ESCO2: variants seen among roughly 807,000 people sequenced by gnomAD.
The protein encoded by ESCO2 is N-acetyltransferase ESCO2.
In ESCO2, 51 loss-of-function variants were observed where a neutral mutation model predicts 61.7. That is an observed-to-expected ratio of 0.83 (90% confidence interval 0.66 to 1.04). ESCO2 has a LOEUF of 1.04. Among genes scored for constraint, ESCO2 ranks in the 50% least tolerant of loss-of-function variants. The pLI, the probability that ESCO2 is intolerant of heterozygous loss-of-function variation, is 0.00. For synonymous variants in ESCO2, 230 were observed against 238.2 expected (o/e 0.97, Z 0.32); for missense variants, 692 against 686.2 (o/e 1.01, Z -0.09).
intron 9 of ESCO2, among the ~76,000 whole-genome samples, chr8:27,795,703 G>A (rs1471009101): frequency 6.6e-6 from 1 of 152,110 alleles, no homozygotes; most frequent in Non-Finnish European, 1.5e-5. Context: ...AATTTGTTGA[G>A]AGTTCTTATC....
chr8:27,792,429 C>G (rs1211491650), intron 8 of ESCO2, among the ~76,000 whole-genome samples: 1 of 151,910 alleles, frequency 6.6e-6, no homozygotes, highest in African/African-American at 2.4e-5. Flanking sequence ...ATTCCTTATC[C>G]CTCCCAGGTG....
At chr8:27,774,712 G>A (rs1322122527) in intron 1 of ESCO2, 105 bp downstream of exon 1, 1 of 152,256 alleles carries the variant, frequency 6.6e-6, no homozygotes, top group African/African-American at 2.4e-5. Context: ...GCTTTTGCTC[G>A]GCGCTCGGCA....
chr8:27,795,182 T>C (rs1457781828), intron 9 of ESCO2, among the ~76,000 whole-genome samples: 1 of 152,230 alleles, frequency 6.6e-6, no homozygotes, highest in Non-Finnish European at 1.5e-5. Context: ...TATGTAGATA[T>C]TCTTCATCTT....
intron 10 of ESCO2, among the ~76,000 whole-genome samples, chr8:27,802,624 AAAAAAAATATATAT>A (rs1252630365): frequency 4.5e-5 from 3 of 66,740 alleles, no homozygotes; most frequent in African/African-American, 1.8e-4. Context: ...AAAAAAAAAA[AAAAAAAATATATAT>A]ATATATATAT....
upstream of ESCO2, among the ~76,000 whole-genome samples, chr8:27,773,429 A>G (rs1034401878): frequency 1.2e-4 from 17 of 147,206 alleles, no homozygotes; most frequent in African/African-American, 4.2e-4. Context: ...CTTGTAGCAA[A>G]GGCCAGACAG....
At chr8:27,815,447 A>G (rs4732763), downstream of ESCO2, among the ~76,000 whole-genome samples, 23,948 of 152,128 alleles carry the variant, frequency 0.16, 2,391 homozygotes, top group East Asian at 0.37. Flanking sequence ...GAAGGTAGCC[A>G]TGGACATTAT....
At position 27,791,974 on chromosome 8, in the gene ESCO2, A is replaced by C. The variant is rs1185125819; in HGVS notation, c.1275A>C (p.Lys425Asn). The C allele has an allele frequency of 6.2e-7, 1 of 1,614,024 alleles. No homozygotes were observed. Among genetic ancestry groups the C allele is most frequent in the Non-Finnish European group, 8.5e-7 (1 of 1,180,018 alleles). The change falls in exon 8 of 11, where the codon AAA becomes AAC. Residue 425 changes from lysine (K) to asparagine (N), a missense_variant. Coordinates refer to ENST00000305188, the MANE Select transcript of ESCO2 (RefSeq NM_001017420.3). ...LEGIKYVGWK[K>N]ERVVAEFWDG... ...TTTTCCTTTGGCAGGGTTGGAAGAA[A>C]GAACGTGTAGTAGCAGAGTTTTGGG...
chr8:27,811,285 G>T, downstream of ESCO2: 1 of 661,210 alleles, frequency 1.5e-6, no homozygotes, highest in Non-Finnish European at 2.7e-6. Context: ...CCTCAATAAG[G>T]ATTACTTTCT....
chr8:27,778,260 G>C (rs1004026830), intron 3 of ESCO2: 5 of 151,966 alleles, frequency 3.3e-5, no homozygotes, highest in Admixed American at 2.6e-4. Context: ...GTTTAGTTTT[G>C]ATCATTTTAC....
Position 27,803,746 on chromosome 8 carries a change from G to A in ESCO2, c.*308G>A. ...GAAAATTACCTGACTCTTTGTAAGAGTATTAAATACAAAGTGATTTTTCTC... is the reference window on the plus strand; with the variant it reads ...GAAAATTACCTGACTCTTTGTAAGAATATTAAATACAAAGTGATTTTTCTC... On this transcript the variant is annotated 3_prime_UTR_variant, in exon 11 of 11. Coordinates refer to ENST00000305188, the MANE Select transcript of ESCO2 (RefSeq NM_001017420.3). 1 of 1,114,174 alleles carries A rather than the reference G, an allele frequency of 9.0e-7. No individual in the cohort carries two copies. Among genetic ancestry groups the A allele is most frequent in the South Asian group, 2.7e-5 (1 of 36,878 alleles). 69.0% of individuals were successfully genotyped at this position (1,114,174 alleles called of 1,614,324 possible).
intron 6 of ESCO2, among the ~76,000 whole-genome samples, chr8:27,788,494 A>G (rs1234908680): frequency 6.6e-6 from 1 of 151,348 alleles, no homozygotes; most frequent in East Asian, 1.9e-4. Flanking sequence ...CCCTTTCATC[A>G]ATTTATTGCA....
At chr8:27,789,697 C>T (rs554962260) in intron 7 of ESCO2, among the ~76,000 whole-genome samples, 38 of 151,560 alleles carry the variant, frequency 2.5e-4, no homozygotes, top group Admixed American at 6.6e-4. Context: ...AGGAGAATCG[C>T]CTGAACCCAG....
intron 10 of ESCO2, among the ~76,000 whole-genome samples, chr8:27,800,283 C>T (rs1805395569): frequency 6.6e-6 from 1 of 152,084 alleles, no homozygotes; most frequent in Non-Finnish European, 1.5e-5. Flanking sequence ...TCTTATAACA[C>T]AATAAAAAGA....
At chr8:27,803,117 T>A (rs965341542) in intron 10 of ESCO2, among the ~76,000 whole-genome samples, 189 bp from the exon 11 acceptor site, 2 of 152,102 alleles carry the variant, frequency 1.3e-5, no homozygotes, top group African/African-American at 4.8e-5. Context: ...TCATCAGAAT[T>A]TTTTCTGGAC....
rs80359861 is a variant in ESCO2 at position 27,788,003 on chromosome 8, G to A, written c.1131+1G>A. The A allele has an allele frequency of 2.5e-5, 40 of 1,601,476 alleles. No individual in the cohort carries two copies. The highest frequency in any genetic ancestry group is 3.0e-5 in the Non-Finnish European group (35 of 1,168,950). ...AAAAACAAAAGACCAGCTCATCATC[G>A]TGAGTAAATTCCAAACAAAGCTTCT... On this transcript the variant is annotated splice_donor_variant, in intron 6 of 10. Transcript: ENST00000305188. LOFTEE classifies it high-confidence loss of function.
Position 27,776,607 on chromosome 8 carries a change from A to G in ESCO2, c.299A>G (p.Lys100Arg), listed in dbSNP as rs777754051. The change falls in exon 3 of 11, where the codon AAG becomes AGG. Residue 100 changes from lysine to arginine, a missense_variant. Physicochemically the swap from Lys to Arg is conservative, Grantham distance 26. Transcript: ENST00000305188. ...NKWYLNPLERKLIKESRSTCL... is the reference protein window; with the variant it reads ...NKWYLNPLERRLIKESRSTCL... The stretch of plus-strand genomic sequence containing the variant: ...TGGTACCTCAATCCACTGGAGAGAA[A>G]GCTGATAAAAGAGAGTAGATCTACT... 3.3e-5 allele frequency: 53 copies of G among 1,614,020 alleles called. No individual in the cohort carries two copies. The highest frequency in any genetic ancestry group is 4.4e-5 in the Non-Finnish European group (52 of 1,180,032).
At chr8:27,800,079 A>G (rs1805391661) in intron 10 of ESCO2, among the ~76,000 whole-genome samples, 1 of 152,196 alleles carries the variant, frequency 6.6e-6, no homozygotes, top group South Asian at 2.1e-4. Context: ...TTACGCTTCA[A>G]TAAATATAAT....
At chr8:27,796,805 C>G (rs559263820) in intron 9 of ESCO2, among the ~76,000 whole-genome samples, 1 of 152,240 alleles carries the variant, frequency 6.6e-6, no homozygotes, top group East Asian at 1.9e-4. Context: ...TCTGTTAGGT[C>G]CATTAGGTCT....
rs759971112 is a variant in ESCO2, at chr8:27,803,461, G to C, written c.*23G>C. The C allele has an allele frequency of 6.2e-7, 1 of 1,611,088 alleles. No individual in the cohort carries two copies. The highest frequency in any genetic ancestry group is 1.3e-5 in the African/African-American group (1 of 74,828). On this transcript the variant is annotated 3_prime_UTR_variant, in exon 11 of 11. Transcript: ENST00000305188. ...TAAAGCTGATTTCAGTTATAAAGGA[G>C]TTACTATCTGGATAAGTTCAAAGAG...
Sources: allele counts gnomAD v4.1 joint callset (sites outside exome capture counted in the v4.1 genomes callset), GRCh38; gene constraint gnomAD v4.1.1; transcripts MANE v1.5; gene names NCBI Gene and HGNC (gene_info 2026-07-23, HGNC 2026-07-21).